The following ACOT7 variants were observed in gnomAD, a reference collection of about 807,000 sequenced individuals.
ACOT7 encodes cytosolic acyl coenzyme A thioester hydrolase.
In ACOT7, 12 loss-of-function variants were observed where a neutral mutation model predicts 40.2. The ratio of observed to expected loss-of-function variants is 0.30; its 90% confidence interval spans 0.19 to 0.48. The LOEUF (loss-of-function observed/expected upper bound fraction) is 0.48, where lower values mean the gene tolerates loss of function less well. Ranked by LOEUF, ACOT7 falls within the 20% of genes least tolerant of loss-of-function variation. The pLI, the probability that ACOT7 is intolerant of heterozygous loss-of-function variation, is 0.99. For missense variants in ACOT7, 395 were observed against 530.8 expected, an observed-to-expected ratio of 0.74 and a Z score of 2.51; for synonymous variants, 228 against 219.5, an observed-to-expected ratio of 1.04 and a Z score of -0.34.
intron 8 of ACOT7, 96 bp from the exon 9 acceptor site, chr1:6,264,791 G>T: frequency 7.6e-7 from 1 of 1,309,530 alleles, no homozygotes; most frequent in Non-Finnish European, 1.1e-6. Flanking sequence ...CCCACCCGTG[G>T]GATCTGCCCC....
At position 6,306,442 on chromosome 1, in the gene ACOT7, G is replaced by C. The variant is rs1029360093; in HGVS notation, c.713-11462C>G. On this transcript the variant is annotated intron_variant, in intron 6 of 8. Coordinates refer to ENST00000361521, the MANE Select transcript of ACOT7 (RefSeq NM_007274.4). This position sits in a 1 kb window ranked among gnomAD's most constrained non-coding sequence, Gnocchi z 4.3. ...TGGAGTGATATGAACCCCACGCCCA[G>C]GCTTTCAGGGTTGACACCATCTCGG... 1.0e-6 allele frequency: 1 copy of C among 985,178 alleles called. No homozygotes were observed. The highest frequency in any genetic ancestry group is 1.7e-5 in the African/African-American group (1 of 57,182). 61.0% of individuals were successfully genotyped at this position (985,178 alleles called of 1,614,324 possible).
At chr1:6,386,171 C>A (rs1642437882) in intron 1 of ACOT7, among the ~76,000 whole-genome samples, 1 of 152,240 alleles carries the variant, frequency 6.6e-6, no homozygotes, top group Admixed American at 6.5e-5. Context: ...AAGGCCAACA[C>A]ACCGCACAAC....
At chr1:6,323,171 G>T (rs1264058238) in intron 5 of ACOT7, among the ~76,000 whole-genome samples, 2 of 151,934 alleles carry the variant, frequency 1.3e-5, no homozygotes, top group African/African-American at 4.8e-5. Context: ...CGGACACTTA[G>T]GAGACCTCAG....
rs74984427 is a variant in ACOT7 at position 6,390,393 on chromosome 1, G to A, written c.143+2864C>T. Among the ~76,000 whole-genome samples, 32 of 151,864 alleles carry A rather than the reference G, an allele frequency of 2.1e-4. No homozygotes were observed. In the East Asian group the frequency reaches 5.0e-3, roughly 24 times the overall value. ...TCGAGACTAGCCTGGCCAACATGGT[G>A]AAACCCCATCTCTACTAAAAATACA... On this transcript the variant is annotated intron_variant, in intron 1 of 8. Transcript: ENST00000361521.
At chr1:6,381,708 G>A (rs979222334) in intron 1 of ACOT7, among the ~76,000 whole-genome samples, 2 of 151,726 alleles carry the variant, frequency 1.3e-5, no homozygotes, top group South Asian at 2.1e-4. Context: ...AACTAAAAAC[G>A]GGGTCTCTGC....
chr1:6,369,377 A>G (rs1179345249), intron 1 of ACOT7, among the ~76,000 whole-genome samples: 1 of 150,924 alleles, frequency 6.6e-6, no homozygotes, highest in East Asian at 2.0e-4. Context: ...TATGGCAGCC[A>G]GAGCCCCACA....
At chr1:6,319,339 T>C (rs887116707) in intron 5 of ACOT7, among the ~76,000 whole-genome samples, 6 of 152,272 alleles carry the variant, frequency 3.9e-5, no homozygotes, top group African/African-American at 1.4e-4. Context: ...ATTACAGGCA[T>C]CTGCCAGCAC....
In ACOT7 at chr1:6,306,163, T is replaced by A; in HGVS notation, c.713-11183A>T. 1.2e-6 allele frequency: 1 copy of A among 831,380 alleles called. No individual in the cohort carries two copies. Among genetic ancestry groups the A allele is most frequent in the Non-Finnish European group, 1.4e-6 (1 of 701,012 alleles). The allele number at this position is 831,380 out of a possible 1,614,324, so 51.5% of individuals were successfully genotyped here. On this transcript the variant is annotated intron_variant, in intron 6 of 8. Transcript: ENST00000361521. This position sits in a 1 kb window ranked among gnomAD's most constrained non-coding sequence, Gnocchi z 4.3. ...AGCACAGTCCAGCTTCGGCTCGGCATCAGAGGGAGACCGTGGCAAGAGAGG... is the reference window on the plus strand; with the variant it reads ...AGCACAGTCCAGCTTCGGCTCGGCAACAGAGGGAGACCGTGGCAAGAGAGG...
intron 1 of ACOT7, among the ~76,000 whole-genome samples, chr1:6,373,659 G>GT (rs1642174675): frequency 6.6e-6 from 1 of 150,972 alleles, no homozygotes; most frequent in African/African-American, 2.4e-5. Context: ...GAGGCCAGGA[G>GT]TTTGAGACCA....
chr1:6,290,078 T>G (rs1200772719), intron 7 of ACOT7, among the ~76,000 whole-genome samples: 1 of 151,832 alleles, frequency 6.6e-6, no homozygotes, highest in African/African-American at 2.4e-5. Context: ...GGCAGGAGTG[T>G]CAGCACGAGG....
chr1:6,288,137 G>A lies in ACOT7; in HGVS notation c.829+6727C>T, dbSNP rs560064006. Among the ~76,000 whole-genome samples, 5 of 152,270 alleles carry A rather than the reference G, an allele frequency of 3.3e-5. No homozygotes were observed. The highest frequency in any genetic ancestry group is 1.2e-4 in the African/African-American group (5 of 41,576). On this transcript the variant is annotated intron_variant, in intron 7 of 8. Transcript: ENST00000361521. The surrounding 1 kb of genome is among the most constrained non-coding windows in gnomAD (Gnocchi z 4.3). ...CATTAGGGGCTCCACTGCTTGCCTG[G>A]GGGGCGGAGGCTCTCCCACTCTGTG...
chr1:6,333,325 GA>G, intron 4 of ACOT7, 151 bp downstream of exon 4: 2 of 807,378 alleles, frequency 2.5e-6, no homozygotes, highest in Non-Finnish European at 2.0e-6. Context: ...GCCCAGAGGG[GA>G]CACTGCCTGC....
chr1:6,342,011 C>T (rs930145704), intron 2 of ACOT7, among the ~76,000 whole-genome samples: 16 of 152,314 alleles, frequency 1.1e-4, no homozygotes, highest in Admixed American at 1.0e-3. Flanking sequence ...GGGGATCATC[C>T]TCTGTAGCTT....
chr1:6,317,270 C>T (rs1044462259), intron 6 of ACOT7, among the ~76,000 whole-genome samples: 6 of 152,182 alleles, frequency 3.9e-5, no homozygotes, highest in African/African-American at 1.4e-4. Flanking sequence ...TAAAAGCTTA[C>T]TTTGGTCTTC....
In ACOT7 at chr1:6,275,044, G is replaced by A. The variant is rs1294190463; in HGVS notation, c.1014+6058C>T. 1.3e-5 allele frequency among the ~76,000 whole-genome samples: 2 copies of A among 152,188 alleles called. No individual in the cohort carries two copies. The highest frequency in any genetic ancestry group is 2.9e-5 in the Non-Finnish European group (2 of 68,020). On this transcript the variant is annotated intron_variant, in intron 8 of 8. Coordinates refer to ENST00000361521, the MANE Select transcript of ACOT7 (RefSeq NM_007274.4). The surrounding 1 kb of genome is among the most constrained non-coding windows in gnomAD (Gnocchi z 5.6). ...CCCCTGGCGAGTGACTCCCTGCCTGGTGCCCGCCTCCTGTCTGGGGATGGG... is the reference window on the plus strand; with the variant it reads ...CCCCTGGCGAGTGACTCCCTGCCTGATGCCCGCCTCCTGTCTGGGGATGGG...
intron 1 of ACOT7, among the ~76,000 whole-genome samples, chr1:6,369,403 T>A (rs990469178): frequency 7.2e-6 from 1 of 138,682 alleles, no homozygotes; most frequent in African/African-American, 2.8e-5. Flanking sequence ...CATTTCTTTT[T>A]TTTTTTTTTT....
Position 6,294,605 on chromosome 1 carries a change from T to A in ACOT7, c.829+259A>T, listed in dbSNP as rs61760849. 0.013 allele frequency among the ~76,000 whole-genome samples: 2,029 copies of A among 152,158 alleles called. 20 individuals carry two copies. Among genetic ancestry groups the A allele is most frequent in the Non-Finnish European group, 0.021 (1,400 of 67,986 alleles). On this transcript the variant is annotated intron_variant, in intron 7 of 8. Transcript: ENST00000361521. The surrounding 1 kb of genome is among the most constrained non-coding windows in gnomAD (Gnocchi z 4.6). ...TTCCCAGAGCTCTGTCTGTGGAGCG[T>A]TTTCAGAGGGTGAGTTTAGGCAGGT... is the stretch of plus-strand genomic sequence containing the variant.
chr1:6,314,961 C>T lies in ACOT7; in HGVS notation c.712+3531G>A, dbSNP rs368205770. 5.9e-5 allele frequency among the ~76,000 whole-genome samples: 9 copies of T among 152,100 alleles called. No individual in the cohort carries two copies. In the East Asian group the frequency reaches 1.4e-3, roughly 23 times the overall value. ...ACCCTCCTCCCGCACGGGACAATGACCCTCCACACCCTCGGGCTCACTCCC... is the reference window on the plus strand; with the variant it reads ...ACCCTCCTCCCGCACGGGACAATGATCCTCCACACCCTCGGGCTCACTCCC... On this transcript the variant is annotated intron_variant, in intron 6 of 8. Coordinates refer to ENST00000361521, the MANE Select transcript of ACOT7 (RefSeq NM_007274.4).
chr1:6,273,096 C>T (rs531196673), intron 8 of ACOT7, among the ~76,000 whole-genome samples: 4 of 152,362 alleles, frequency 2.6e-5, no homozygotes, highest in African/African-American at 4.8e-5. Context: ...TTTAACCCCC[C>T]GCAGCCGGTT....
Sources: gnomAD v4.1 joint callset for allele counts (sites outside exome capture counted in the v4.1 genomes callset) on GRCh38, gnomAD v4.1.1 for gene constraint, Gnocchi (gnomAD v3.1) non-coding constraint, MANE v1.5 for transcripts, NCBI Gene and HGNC (gene_info 2026-07-23, HGNC 2026-07-21) for gene names.